The following TMC5 variants were observed in gnomAD, a reference collection of about 807,000 sequenced individuals.
The protein encoded by TMC5 is transmembrane channel like 5.
Under a neutral mutation model 110.5 loss-of-function variants are expected in TMC5, and 86 were observed. The observed-to-expected ratio is 0.78, with a 90% CI of 0.65 to 0.93. TMC5 has a LOEUF of 0.93. Ranked by LOEUF, TMC5 falls within the 40% of genes least tolerant of loss-of-function variation. The probability of loss-of-function intolerance (pLI) is 0.00; values close to 1 mark genes in which losing one functional copy is unlikely to be tolerated. For missense variants in TMC5, 1,144 were observed against 1,222.8 expected (o/e 0.94, Z 0.96); for synonymous variants, 455 against 439.5 (o/e 1.04, Z -0.44).
chr16:19,462,790 C>T (rs1230302458), intron 6 of TMC5, among the ~76,000 whole-genome samples: 13 of 150,812 alleles, frequency 8.6e-5, no homozygotes, highest in African/African-American at 2.7e-4. Context: ...CCCAGCTACT[C>T]GGGAGGCTGA....
intron 15 of TMC5, among the ~76,000 whole-genome samples, chr16:19,483,700 C>G (rs1245983954): frequency 1.3e-5 from 2 of 151,922 alleles, no homozygotes; most frequent in African/African-American, 4.8e-5. Flanking sequence ...ATTGCTTGAA[C>G]CTGGGAGGCA....
At chr16:19,456,987 C>T (rs1448412927) in intron 5 of TMC5, 1 of 1,612,080 alleles carries the variant, frequency 6.2e-7, no homozygotes, top group East Asian at 2.2e-5. Flanking sequence ...GGCATAGACA[C>T]TCCTGGTTCT....
chr16:19,416,269 C>A (rs1424010196), upstream of TMC5, among the ~76,000 whole-genome samples: 2 of 149,848 alleles, frequency 1.3e-5, no homozygotes, highest in African/African-American at 2.4e-5. Flanking sequence ...TTCTTTTTTT[C>A]TTTTAAATGA....
upstream of TMC5, among the ~76,000 whole-genome samples, chr16:19,414,218 C>T (rs1294625391): frequency 1.3e-5 from 2 of 152,050 alleles, no homozygotes. Flanking sequence ...CTGGGGCTCC[C>T]ACATCTGCTG....
intron 2 of TMC5, among the ~76,000 whole-genome samples, chr16:19,432,461 A>G (rs1371767072): frequency 6.6e-6 from 1 of 152,230 alleles, no homozygotes; most frequent in Admixed American, 6.5e-5. Context: ...TTCCAAGGCA[A>G]CAGGAAACAG....
intron 5 of TMC5, among the ~76,000 whole-genome samples, chr16:19,452,590 G>T (rs141257106): frequency 1.0e-3 from 154 of 152,272 alleles, no homozygotes; most frequent in African/African-American, 3.6e-3. Context: ...GGTGGCATGT[G>T]CCTGTAGTCC....
In TMC5 at chr16:19,463,347, T is replaced by C; in HGVS notation, c.1216T>C (p.Cys406Arg). Residue 406 changes from cysteine to arginine, a missense_variant, in exon 7 of 22, where the codon TGT becomes CGT. By Grantham distance (180) the Cys-to-Arg change is radical (BLOSUM62 -3). Coordinates refer to ENST00000542583, the MANE Select transcript of TMC5 (RefSeq NM_001261841.2). ...RILQLNCCIQ[C>R]LNSISRAYRR... The stretch of plus-strand genomic sequence containing the variant: ...CCTTCAGCTCAATTGCTGTATTCAG[T>C]GTCTGAACTCCATTTCCCGGGTAAG... 1 of 1,613,802 alleles carries C rather than the reference T, an allele frequency of 6.2e-7. No individual in the cohort carries two copies. Among genetic ancestry groups the C allele is most frequent in the Non-Finnish European group, 8.5e-7 (1 of 1,179,746 alleles).
chr16:19,488,497 A>G (rs941591458), intron 17 of TMC5, among the ~76,000 whole-genome samples: 4 of 150,324 alleles, frequency 2.7e-5, no homozygotes, highest in Admixed American at 1.3e-4. Context: ...CTCCAACCCC[A>G]CTTCCCTTTG....
chr16:19,419,566 C>T (rs1034539878), intron 1 of TMC5, among the ~76,000 whole-genome samples: 1 of 151,802 alleles, frequency 6.6e-6, no homozygotes, highest in Non-Finnish European at 1.5e-5. Context: ...GCGCCTGCCA[C>T]CATGCCCGGC....
Position 19,474,208 on chromosome 16 carries a change from C to T in TMC5, c.2022C>T (p.Ile674=). The change falls in exon 12 of 22, where the codon ATC becomes ATT. Residue 674 remains isoleucine (I), a synonymous_variant. Coordinates refer to ENST00000542583, the MANE Select transcript of TMC5 (RefSeq NM_001261841.2). ...VSCINLAVPC[I]YSMFRLVERY... is the part of the protein sequence containing the mutation. ...GCATTAATCTGGCCGTGCCATGCAT[C>T]TACTCCATGTTCAGGCTTGTGGAGA... The T allele has an allele frequency of 6.2e-7, 1 of 1,614,110 alleles. No homozygotes were observed. Among genetic ancestry groups the T allele is most frequent in the Non-Finnish European group, 8.5e-7 (1 of 1,180,016 alleles).
At chr16:19,417,021 G>A (rs1242523219), upstream of TMC5, among the ~76,000 whole-genome samples, 4 of 150,052 alleles carry the variant, frequency 2.7e-5, no homozygotes, top group Admixed American at 2.7e-4. Context: ...TTGAACCTGG[G>A]AGGCGGAGGT....
In TMC5 at chr16:19,436,273, G is replaced by GAAAAAAAAAAAAAAA. The variant is rs750838547; in HGVS notation, c.-79-3676_-79-3675insAAAAAAAAAAAAAAA. On this transcript the variant is annotated intron_variant, in intron 2 of 21. Coordinates refer to ENST00000542583, the MANE Select transcript of TMC5 (RefSeq NM_001261841.2). ...AAAGAGCAAAAGTTCGTCTCAAAAAGAAAAAAAAAAAGAAAGGAAAAAGAA... is the reference window on the plus strand; with the variant it reads ...AAAGAGCAAAAGTTCGTCTCAAAAAGAAAAAAAAAAAAAAAAAAAAAAAAAAGAAAGGAAAAAGAA... Among the ~76,000 whole-genome samples, 758 of 107,278 alleles carry GAAAAAAAAAAAAAAA rather than the reference G, an allele frequency of 7.1e-3. 43 individuals are homozygous for GAAAAAAAAAAAAAAA. Among genetic ancestry groups the GAAAAAAAAAAAAAAA allele is most frequent in the Middle Eastern group, 0.016 (3 of 186 alleles). The allele number at this position is 107,278 out of a possible 152,430, so 70.4% of individuals were successfully genotyped here.
intron 5 of TMC5, among the ~76,000 whole-genome samples, chr16:19,452,422 A>C (rs1404697319): frequency 6.6e-6 from 1 of 152,122 alleles, no homozygotes. Flanking sequence ...AGCATGTAGA[A>C]ATGAGACTGG....
rs1428217886 is a variant in TMC5 at position 19,440,430 on chromosome 16, C to T, written c.392C>T (p.Ser131Phe). Residue 131 changes from serine (S) to phenylalanine (F), a missense_variant, in exon 3 of 22, where the codon TCT (serine) becomes TTT (phenylalanine). By Grantham distance (155) the Ser-to-Phe change is radical. Transcript: ENST00000542583. ...ASSRQPDYPG[S>F]QRNPDFAGSS... Reference sequence around the variant, plus strand: ...TCCAGACAACCAGACTACCCTGGATCTCAACGAAATCCTGATTTTGCAGGC... The same window carrying T: ...TCCAGACAACCAGACTACCCTGGATTTCAACGAAATCCTGATTTTGCAGGC... 7 of 1,614,022 alleles carry T rather than the reference C, an allele frequency of 4.3e-6. No homozygotes were observed. Among genetic ancestry groups the T allele is most frequent in the African/African-American group, 1.3e-5 (1 of 74,916 alleles).
chr16:19,457,709 C>CTTTTTTTTTTTTTTTTTTTTTTT lies in TMC5; in HGVS notation c.1049-2514_1049-2492dup, dbSNP rs573979829. On this transcript the variant is annotated intron_variant, in intron 5 of 21. Transcript: ENST00000542583. ...TCTATCTGATTCCCAAGACTACATT[C>CTTTTTTTTTTTTTTTTTTTTTTT]TTTTTTTTTTTTTTTTTTTTTTTTT... 9.1e-5 allele frequency among the ~76,000 whole-genome samples: 4 copies of CTTTTTTTTTTTTTTTTTTTTTTT among 43,904 alleles called. 2 individuals carry two copies. Among genetic ancestry groups the CTTTTTTTTTTTTTTTTTTTTTTT allele is most frequent in the Non-Finnish European group, 1.1e-4 (2 of 18,950 alleles). 28.8% of individuals were successfully genotyped at this position (43,904 alleles called of 152,430 possible).
At chr16:19,438,384 C>T (rs1483058673) in intron 2 of TMC5, among the ~76,000 whole-genome samples, 1 of 54,874 alleles carries the variant, frequency 1.8e-5, no homozygotes, top group Non-Finnish European at 3.3e-5. Flanking sequence ...CAGAGTGACA[C>T]CCTGTCAAAA....
chr16:19,487,720 TA>T (rs1232909879), intron 17 of TMC5: 4 of 111,326 alleles, frequency 3.6e-5, no homozygotes, highest in South Asian at 2.3e-4. Flanking sequence ...AATAAATAAA[TA>T]AATAAATAAA....
chr16:19,492,942 A>ATATATAT (rs57619005), intron 19 of TMC5, among the ~76,000 whole-genome samples: 75 of 107,390 alleles, frequency 7.0e-4, no homozygotes, highest in Non-Finnish European at 8.0e-4. Flanking sequence ...ATCTCTCTAT[A>ATATATAT]AGATAAATAC....
chr16:19,463,214 A>G, intron 6 of TMC5, 66 bp from the exon 7 acceptor site: 2 of 1,237,406 alleles, frequency 1.6e-6, no homozygotes, highest in East Asian at 2.3e-5. Context: ...GCCACCATGT[A>G]ACTATTTTTT....
Sources: allele counts gnomAD v4.1 joint callset (sites outside exome capture counted in the v4.1 genomes callset), GRCh38; gene constraint gnomAD v4.1.1; transcripts MANE v1.5; gene names NCBI Gene and HGNC (gene_info 2026-07-23, HGNC 2026-07-21).